PTPN18: variants seen among roughly 807,000 people sequenced by gnomAD.
PTPN18 encodes protein tyrosine phosphatase non-receptor type 18, also known as tyrosine-protein phosphatase non-receptor type 18.
A neutral mutation model predicts 65.4 loss-of-function variants in PTPN18; 65 were observed. That is an observed-to-expected ratio of 0.99 (90% confidence interval 0.81 to 1.22). The LOEUF (loss-of-function observed/expected upper bound fraction) is 1.22, where lower values mean the gene tolerates loss of function less well. Ranked by LOEUF, PTPN18 falls within the 50% of genes most tolerant of loss-of-function variation. The pLI is 0.00. For synonymous variants in PTPN18, 255 were observed against 267.8 expected (o/e 0.95, Z 0.47); for missense variants, 616 against 646.5 (o/e 0.95, Z 0.51).
intron 5 of PTPN18, among the ~76,000 whole-genome samples, chr2:130,365,200 T>C (rs1370729359): frequency 5.3e-5 from 8 of 152,254 alleles, no homozygotes; most frequent in Admixed American, 3.3e-4. Flanking sequence ...TCAAGTGCCA[T>C]GTATCAGGTT....
At chr2:130,356,542 C>T in intron 1 of PTPN18, 1 of 501,778 alleles carries the variant, frequency 2.0e-6, no homozygotes, top group Non-Finnish European at 4.0e-6. Context: ...GGCCCTGCTG[C>T]GCTGGACAGC....
intron 13 of PTPN18, 82 bp from the exon 14 acceptor site, chr2:130,372,791 G>T: frequency 6.5e-7 from 1 of 1,529,272 alleles, no homozygotes; most frequent in Non-Finnish European, 9.0e-7. Context: ...CGGGCCTCCG[G>T]GGAAGCGTCC....
At position 130,372,796 on chromosome 2, in the gene PTPN18, G is replaced by C. The variant is rs1367989315; in HGVS notation, c.1241-77G>C. On this transcript the variant is annotated intron_variant, in intron 13 of 14. Transcript: ENST00000175756. ...CTCTCCCCTTCGGGCCTCCGGGGAA[G>C]CGTCCCCGCTAGGGGTGGGGTCTTG... is the stretch of plus-strand genomic sequence containing the variant. 22 of 1,537,150 alleles carry C rather than the reference G, an allele frequency of 1.4e-5. No individual in the cohort carries two copies. The South Asian group carries it at 2.2e-4, about 16-fold the overall frequency.
intron 13 of PTPN18, 49 bp from the exon 14 acceptor site, chr2:130,372,824 A>AG: frequency 6.2e-7 from 1 of 1,601,364 alleles, no homozygotes; most frequent in Non-Finnish European, 8.5e-7. Context: ...GGGTCTTGGG[A>AG]CTCCCTGGGG....
In PTPN18 at chr2:130,356,211, C is replaced by T; in HGVS notation, c.93+11C>T. The T allele has an allele frequency of 7.6e-7, 1 of 1,322,204 alleles. No individual in the cohort carries two copies. The highest frequency in any genetic ancestry group is 9.6e-7 in the Non-Finnish European group (1 of 1,038,332). 81.9% of individuals were successfully genotyped at this position (1,322,204 alleles called of 1,614,324 possible). Reference sequence around the variant, plus strand: ...GCCGGCGAGTTCAGCGTGAGTGGCACACGGGGTCCGCGAGCGGCGCGCCCC... The same window carrying T: ...GCCGGCGAGTTCAGCGTGAGTGGCATACGGGGTCCGCGAGCGGCGCGCCCC... On this transcript the variant is annotated intron_variant, in intron 1 of 14. Coordinates refer to ENST00000175756, the MANE Select transcript of PTPN18 (RefSeq NM_014369.4).
In PTPN18 at chr2:130,370,541, C is replaced by T; in HGVS notation, c.690-16C>T. 6.2e-7 allele frequency: 1 copy of T among 1,614,178 alleles called. No individual in the cohort carries two copies. The highest frequency in any genetic ancestry group is 8.5e-7 in the Non-Finnish European group (1 of 1,180,022). On this transcript the variant is annotated splice_polypyrimidine_tract_variant and intron_variant, in intron 8 of 14. Transcript: ENST00000175756. ...TGGTCAGGACCTGACCAGGCACACTCTGATTCTCTTGTCAGTGCGGGTTGT... is the reference window on the plus strand; with the variant it reads ...TGGTCAGGACCTGACCAGGCACACTTTGATTCTCTTGTCAGTGCGGGTTGT...
chr2:130,371,071 T>C, intron 11 of PTPN18, 107 bp downstream of exon 11: 3 of 1,380,964 alleles, frequency 2.2e-6, no homozygotes, highest in Non-Finnish European at 3.0e-6. Context: ...GCACTGACTA[T>C]GACATCCACC....
In PTPN18 at chr2:130,358,855, ATGCTC is replaced by A; in HGVS notation, c.94-10_94-6del. Reference sequence around the variant, plus strand: ...TTCTCCCCTCCCTGACCCACTCATAATGCTCTACCAGGACATCCAGGCCTGCTCGG... The same window carrying A: ...TTCTCCCCTCCCTGACCCACTCATAATACCAGGACATCCAGGCCTGCTCGG... On this transcript the variant is annotated splice_region_variant and splice_polypyrimidine_tract_variant and intron_variant, in intron 1 of 14. Transcript: ENST00000175756. 1 of 1,603,828 alleles carries A rather than the reference ATGCTC, an allele frequency of 6.2e-7. No homozygotes were observed. Among genetic ancestry groups the A allele is most frequent in the Non-Finnish European group, 8.5e-7 (1 of 1,172,028 alleles).
intron 5 of PTPN18, among the ~76,000 whole-genome samples, chr2:130,363,668 T>C (rs1680296579): frequency 6.6e-6 from 1 of 152,208 alleles, no homozygotes; most frequent in Non-Finnish European, 1.5e-5. Context: ...ATTGAATGGA[T>C]CTACCACATT....
Position 130,359,500 on chromosome 2 carries a change from CT to C in PTPN18, c.375+10del. The C allele has an allele frequency of 1.2e-6, 2 of 1,614,070 alleles. No individual in the cohort carries two copies. The highest frequency in any genetic ancestry group is 1.7e-6 in the Non-Finnish European group (2 of 1,179,944). On this transcript the variant is annotated intron_variant, in intron 4 of 14. Coordinates refer to ENST00000175756, the MANE Select transcript of PTPN18 (RefSeq NM_014369.4). ...TGGGAGTTTGGGGTCAAGGTCAGCA[CT>C]TGGGGGTGCGGCACAATGGTGGGGT...
At position 130,371,179 on chromosome 2, in the gene PTPN18, C is replaced by T; in HGVS notation, c.925-20C>T. ...GGCCAGCTTCCTCCCTCAGGAGCCT[C>T]CCCTCCTGTTTTTCTTCAGAATTGT... On this transcript the variant is annotated intron_variant, in intron 11 of 14. Transcript: ENST00000175756. The T allele has an allele frequency of 6.4e-7, 1 of 1,570,964 alleles. No individual in the cohort carries two copies. The highest frequency in any genetic ancestry group is 8.7e-7 in the Non-Finnish European group (1 of 1,144,344).
chr2:130,370,025 GCTCAT>G lies in PTPN18; in HGVS notation c.547-20_547-16del, dbSNP rs767547284. ...TTTTCTTTTTTTTCCTAAGTCTTTT[GCTCAT>G]CTTTTTCTGTGTTTCAGGAGTCCCG... is the stretch of plus-strand genomic sequence containing the variant. On this transcript the variant is annotated intron_variant, in intron 7 of 14. Transcript: ENST00000175756. 2 of 1,610,712 alleles carry G rather than the reference GCTCAT, an allele frequency of 1.2e-6. No homozygotes were observed. Among genetic ancestry groups the G allele is most frequent in the South Asian group, 2.2e-5 (2 of 90,562 alleles).
intron 1 of PTPN18, chr2:130,356,494 C>T: frequency 2.1e-6 from 1 of 466,166 alleles, no homozygotes; most frequent in Non-Finnish European, 4.3e-6. Flanking sequence ...TGGCTGCGGG[C>T]GGGACAGGTG....
At position 130,373,315 on chromosome 2, in the gene PTPN18, T is replaced by G; in HGVS notation, c.*91T>G. The G allele has an allele frequency of 7.9e-7, 1 of 1,263,126 alleles. No individual in the cohort carries two copies. The allele number at this position is 1,263,126 out of a possible 1,614,324, so 78.2% of individuals were successfully genotyped here. A position where few individuals can be genotyped will look rare whatever the true frequency, so the allele number is the denominator to read the frequency against. On this transcript the variant is annotated 3_prime_UTR_variant, in exon 15 of 15. Transcript: ENST00000175756. This position sits in a 1 kb window ranked among gnomAD's most constrained non-coding sequence, Gnocchi z 4.1. ...AGCGCCGTGCGCAGAATGGAAACAGTGGGCCTGGATCAAAGTTAAAGTTTC... is the reference window on the plus strand; with the variant it reads ...AGCGCCGTGCGCAGAATGGAAACAGGGGGCCTGGATCAAAGTTAAAGTTTC...
chr2:130,359,421 A>C lies in PTPN18; in HGVS notation c.304A>C (p.Ile102Leu). The C allele has an allele frequency of 1.2e-6, 2 of 1,614,120 alleles. No homozygotes were observed. The highest frequency in any genetic ancestry group is 1.6e-4 in the Middle Eastern group (1 of 6,062). Residue 102 changes from isoleucine to leucine, a missense_variant, in exon 4 of 15, where the codon ATT becomes CTT. Physicochemically the swap from Ile to Leu is conservative, Grantham distance 5. Around this residue, in one of 3 missense-constraint regions of PTPN18, gnomAD observed 223 missense variants for 210.0 expected, o/e 1.06. Transcript: ENST00000175756. ...GGGCGTGGATGGAAGCCTGGCCTAC[A>C]TTGCCACGCAAGGACCCTTGCCTCA... ...IRGVDGSLAYIATQGPLPHTL... is the reference protein window; with the variant it reads ...IRGVDGSLAYLATQGPLPHTL...
Position 130,374,558 on chromosome 2 carries a change from C to T in PTPN18, c.*1334C>T. 1 of 459,314 alleles carries T rather than the reference C, an allele frequency of 2.2e-6. No homozygotes were observed. Among genetic ancestry groups the T allele is most frequent in the Non-Finnish European group, 4.5e-6 (1 of 220,050 alleles). The allele number at this position is 459,314 out of a possible 1,614,324, so 28.5% of individuals were successfully genotyped here. A position where few individuals can be genotyped will look rare whatever the true frequency, so the allele number is the denominator to read the frequency against. ...GCTGTTAAAAGAAATAAAAGGAGGA[C>T]ACGTCTCTGTGCACTGGTGTGGACA... On this transcript the variant is annotated 3_prime_UTR_variant, in exon 15 of 15. Transcript: ENST00000175756.
In PTPN18 at chr2:130,372,315, C is replaced by T. The variant is rs895573851; in HGVS notation, c.1072C>T (p.Gln358Ter). Residue 358 changes from glutamine (Q) to a stop codon, truncating the protein, a stop_gained, in exon 13 of 15, where the codon CAG (glutamine) becomes TAG (stop). Coordinates refer to ENST00000175756, the MANE Select transcript of PTPN18 (RefSeq NM_014369.4). LOFTEE classifies it high-confidence loss of function. ...HAMADTYAVVQKRGAPAGAGS... is the reference protein window; with the variant it reads ...HAMADTYAVV The stretch of plus-strand genomic sequence containing the variant: ...CATGGCTGACACCTACGCGGTGGTG[C>T]AGAAGCGCGGGGCTCCAGCGGGCGC... 2 of 1,492,476 alleles carry T rather than the reference C, an allele frequency of 1.3e-6. No homozygotes were observed. The highest frequency in any genetic ancestry group is 1.8e-6 in the Non-Finnish European group (2 of 1,132,662). The allele number at this position is 1,492,476 out of a possible 1,614,324, so 92.5% of individuals were successfully genotyped here. A position where few individuals can be genotyped will look rare whatever the true frequency, so the allele number is the denominator to read the frequency against.
chr2:130,366,120 G>C (rs1680372239), intron 5 of PTPN18, among the ~76,000 whole-genome samples: 1 of 152,180 alleles, frequency 6.6e-6, no homozygotes, highest in Non-Finnish European at 1.5e-5. Flanking sequence ...AGGCCTTCCT[G>C]TAAGGTTGAC....
At chr2:130,356,230 G>A in intron 1 of PTPN18, 30 bp downstream of exon 1, 1 of 1,300,228 alleles carries the variant, frequency 7.7e-7, no homozygotes. Flanking sequence ...CGCGAGCGGC[G>A]CGCCCCGGCC....
Sources: gnomAD v4.1 joint callset for allele counts (sites outside exome capture counted in the v4.1 genomes callset) on GRCh38, gnomAD v4.1.1 for gene constraint, gnomAD v4.1.1 regional missense constraint, Gnocchi (gnomAD v3.1) non-coding constraint, MANE v1.5 for transcripts, NCBI Gene and HGNC (gene_info 2026-07-23, HGNC 2026-07-21) for gene names.